Variants in PPP6R1 observed in about 807,000 individuals in gnomAD.
The protein encoded by PPP6R1 is serine/threonine-protein phosphatase 6 regulatory subunit 1.
Under a neutral mutation model 104.6 loss-of-function variants are expected in PPP6R1, and 39 were observed. The observed-to-expected ratio is 0.37, with a 90% CI of 0.29 to 0.49. The LOEUF is 0.49. Ranked by LOEUF, PPP6R1 falls within the 20% of genes least tolerant of loss-of-function variation. The pLI is 0.98. For missense variants in PPP6R1, 1,181 were observed against 1,155.8 expected, an observed-to-expected ratio of 1.02 and a Z score of -0.32; for synonymous variants, 549 against 479.0, an observed-to-expected ratio of 1.15 and a Z score of -1.91.
At chr19:55,228,645 A>G (rs1442783499), downstream of PPP6R1, 2 of 1,590,490 alleles carry the variant, frequency 1.3e-6, no homozygotes, top group South Asian at 2.2e-5. Flanking sequence ...CTGGGGTTCC[A>G]GGGCCCTGTC....
downstream of PPP6R1, chr19:55,228,893 G>C (rs1048781115): frequency 1.3e-6 from 1 of 774,338 alleles, no homozygotes. Flanking sequence ...CTCACCCTGG[G>C]GATGGCCCTG....
At position 55,258,265 on chromosome 19, in the gene PPP6R1, G is replaced by A. The variant is rs575619504; in HGVS notation, c.-7+170C>T. 8.5e-5 allele frequency among the ~76,000 whole-genome samples: 13 copies of A among 152,312 alleles called. No homozygotes were observed. The South Asian group carries it at 2.5e-3, about 29-fold the overall frequency. ...TTAAGAGACTGGGGAGGGTCGAGGGGGAAGAAACGGGGTGCCGTGGAGAGG... is the reference window on the plus strand; with the variant it reads ...TTAAGAGACTGGGGAGGGTCGAGGGAGAAGAAACGGGGTGCCGTGGAGAGG... On this transcript the variant is annotated intron_variant, in intron 1 of 23. Coordinates refer to ENST00000412770, the MANE Select transcript of PPP6R1 (RefSeq NM_014931.4).
At position 55,245,278 on chromosome 19, in the gene PPP6R1, T is replaced by G. The variant is rs1178339315; in HGVS notation, c.539A>C (p.Gln180Pro). The G allele has an allele frequency of 1.3e-6, 2 of 1,596,040 alleles. No homozygotes were observed. Among genetic ancestry groups the G allele is most frequent in the African/African-American group, 2.7e-5 (2 of 74,508 alleles). ...LTCVERPQLR[Q>P]DVVNWLNEEK... Reference sequence around the variant, plus strand: ...GGCCCTGCTCACATTGACAACATCCTGCCTCAGCTGAGGCCGCTCCACACA... The same window carrying G: ...GGCCCTGCTCACATTGACAACATCCGGCCTCAGCTGAGGCCGCTCCACACA... The change falls in exon 4 of 24, where the codon CAG (glutamine) becomes CCG (proline). Residue 180 changes from glutamine (Q) to proline (P), a missense_variant. Gln to Pro is a moderately conservative substitution (Grantham distance 76, BLOSUM62 -1). Transcript: ENST00000412770. This position sits in a 1 kb window ranked among gnomAD's most constrained non-coding sequence, Gnocchi z 6.4.
At chr19:55,232,255 C>T (rs1233733177) in intron 17 of PPP6R1, 44 bp from the exon 18 acceptor site, 9 of 1,500,334 alleles carry the variant, frequency 6.0e-6, no homozygotes, top group South Asian at 2.6e-5. Context: ...TGGGACAGAC[C>T]GGCCGACACC....
chr19:55,241,724 G>A lies in PPP6R1; in HGVS notation c.846-85C>T. 7 of 1,416,902 alleles carry A rather than the reference G, an allele frequency of 4.9e-6. No individual in the cohort carries two copies. Among genetic ancestry groups the A allele is most frequent in the Non-Finnish European group, 6.6e-6 (7 of 1,066,364 alleles). The allele number at this position is 1,416,902 out of a possible 1,614,324, so 87.8% of individuals were successfully genotyped here. On this transcript the variant is annotated intron_variant, in intron 7 of 23. Transcript: ENST00000412770. The surrounding 1 kb of genome is among the most constrained non-coding windows in gnomAD (Gnocchi z 5.4). ...AGTAGGCACAAGGACCACGTCTGCA[G>A]GGTCTGGAGGAAAACGAGGAGCCAC...
downstream of PPP6R1, chr19:55,228,440 T>C (rs781545737): frequency 1.4e-5 from 22 of 1,610,786 alleles, no homozygotes; most frequent in Middle Eastern, 1.6e-4. Flanking sequence ...TCTGGGCGCT[T>C]TGGGGAGTGG....
chr19:55,231,375 C>T (rs912898155), intron 21 of PPP6R1, 35 bp downstream of exon 21: 10 of 1,545,870 alleles, frequency 6.5e-6, no homozygotes, highest in Non-Finnish European at 8.8e-6. Context: ...GAAAAGACTT[C>T]TCCCGATACT....
Position 55,231,603 on chromosome 19 carries a change from G to A in PPP6R1, c.2372C>T (p.Pro791Leu), listed in dbSNP as rs1020001768. 6.2e-7 allele frequency: 1 copy of A among 1,611,124 alleles called. No individual in the cohort carries two copies. Among genetic ancestry groups the A allele is most frequent in the Non-Finnish European group, 8.5e-7 (1 of 1,178,768 alleles). ...EATEGSKVTE[P>L]SAPCQALVSI... ...CAGGGCAAAGCGGGGCTCACCTGAG[G>A]GCTCCGTGACTTTGCTGCCTTCTGT... The change falls in exon 20 of 24, where the codon CCC becomes CTC. Residue 791 changes from proline to leucine, a missense_variant. Coordinates refer to ENST00000412770, the MANE Select transcript of PPP6R1 (RefSeq NM_014931.4).
chr19:55,233,802 A>G (rs2087370827), intron 17 of PPP6R1, among the ~76,000 whole-genome samples: 1 of 152,248 alleles, frequency 6.6e-6, no homozygotes, highest in African/African-American at 2.4e-5. Flanking sequence ...AAAGACATCC[A>G]TGTTCACGTA....
At chr19:55,242,534 C>T in intron 5 of PPP6R1, 46 bp from the exon 6 acceptor site, 1 of 1,510,400 alleles carries the variant, frequency 6.6e-7, no homozygotes, top group Non-Finnish European at 9.2e-7. Flanking sequence ...GGCCACCGGG[C>T]CCTCTGCAGC....
At position 55,245,689 on chromosome 19, in the gene PPP6R1, A is replaced by G. The variant is rs1256730694; in HGVS notation, c.228-11T>C. The G allele has an allele frequency of 6.3e-7, 1 of 1,591,640 alleles. No homozygotes were observed. Among genetic ancestry groups the G allele is most frequent in the African/African-American group, 1.3e-5 (1 of 74,364 alleles). ...GCCACACTGGGGTACCTGGGAGGCAAGCACAGGCGGGTGGGGGCTCGGGTC... is the reference window on the plus strand; with the variant it reads ...GCCACACTGGGGTACCTGGGAGGCAGGCACAGGCGGGTGGGGGCTCGGGTC... On this transcript the variant is annotated splice_polypyrimidine_tract_variant and intron_variant, in intron 2 of 23. Coordinates refer to ENST00000412770, the MANE Select transcript of PPP6R1 (RefSeq NM_014931.4). The surrounding 1 kb of genome is among the most constrained non-coding windows in gnomAD (Gnocchi z 6.4).
At chr19:55,228,807 G>C (rs1345925825), downstream of PPP6R1, 3 of 1,539,972 alleles carry the variant, frequency 1.9e-6, no homozygotes, top group African/African-American at 4.1e-5. Context: ...GGAGGGGAGG[G>C]CTCATGGTTA....
chr19:55,247,109 C>G lies in PPP6R1; in HGVS notation c.-6G>C. 6.2e-7 allele frequency: 1 copy of G among 1,611,930 alleles called. No individual in the cohort carries two copies. The highest frequency in any genetic ancestry group is 8.5e-7 in the Non-Finnish European group (1 of 1,179,404). ...AGGTCAAACTTCCAAAACATGGCGCCCTGCAGGCATAGACACAACCAGCGC... is the reference window on the plus strand; with the variant it reads ...AGGTCAAACTTCCAAAACATGGCGCGCTGCAGGCATAGACACAACCAGCGC... On this transcript the variant is annotated splice_region_variant and 5_prime_UTR_variant, in exon 2 of 24. Transcript: ENST00000412770.
At position 55,241,395 on chromosome 19, in the gene PPP6R1, C is replaced by CA; in HGVS notation, c.1009-5dup. The CA allele has an allele frequency of 6.2e-7, 1 of 1,605,984 alleles. No homozygotes were observed. Among genetic ancestry groups the CA allele is most frequent in the Non-Finnish European group, 8.5e-7 (1 of 1,176,262 alleles). ...ATGTCATCTGTAGCGGCTCCAGCTG[C>CA]AGACACAGGGAGGCCTGATTCCCAA... is the stretch of plus-strand genomic sequence containing the variant. On this transcript the variant is annotated splice_region_variant and splice_polypyrimidine_tract_variant and intron_variant, in intron 8 of 23. Transcript: ENST00000412770. The surrounding 1 kb of genome is among the most constrained non-coding windows in gnomAD (Gnocchi z 5.4).
intron 11 of PPP6R1, 50 bp downstream of exon 11, chr19:55,240,186 C>G (rs1447693783): frequency 1.3e-6 from 2 of 1,564,282 alleles, no homozygotes; most frequent in African/African-American, 2.7e-5. Context: ...CCCGGCCCCC[C>G]ATCCAGGCAG....
chr19:55,240,346 C>T (rs1686014108), intron 10 of PPP6R1, 46 bp from the exon 11 acceptor site: 1 of 1,546,532 alleles, frequency 6.5e-7, no homozygotes, highest in Non-Finnish European at 8.8e-7. Context: ...GGTCTGCACA[C>T]ATGTGGGGAG....
Position 55,237,010 on chromosome 19 carries a change from G to T in PPP6R1, c.1752-40C>A, listed in dbSNP as rs750541327. 3.9e-6 allele frequency: 6 copies of T among 1,554,230 alleles called. No homozygotes were observed. The Admixed American group carries it at 1.0e-4, about 26-fold the overall frequency. ...AAGGCATGGTGAGAAGGTCCACCTG[G>T]GGGTGGGGGCAGCACAGGACAGGCC... On this transcript the variant is annotated intron_variant, in intron 15 of 23. Transcript: ENST00000412770.
rs764752268 is a variant in PPP6R1 at position 55,230,658 on chromosome 19, A to G, written c.2597T>C (p.Ile866Thr). ...QSAQALTPPPIPNGSAPEGPA... is the reference protein window; with the variant it reads ...QSAQALTPPPTPNGSAPEGPA... Reference sequence around the variant, plus strand: ...CCCTTCCGGGGCAGAGCCATTGGGTATCGGAGGAGGCGTGAGGGCCTGGGC... The same window carrying G: ...CCCTTCCGGGGCAGAGCCATTGGGTGTCGGAGGAGGCGTGAGGGCCTGGGC... The change falls in exon 23 of 24, where the codon ATA (isoleucine) becomes ACA (threonine). Residue 866 changes from isoleucine (I) to threonine (T), a missense_variant. Coordinates refer to ENST00000412770, the MANE Select transcript of PPP6R1 (RefSeq NM_014931.4). 1.9e-6 allele frequency: 3 copies of G among 1,607,664 alleles called. No individual in the cohort carries two copies. The African/African-American group carries it at 4.0e-5, about 21-fold the overall frequency.
chr19:55,232,285 C>T (rs1015693946), intron 17 of PPP6R1, 74 bp from the exon 18 acceptor site: 7 of 1,471,400 alleles, frequency 4.8e-6, no homozygotes, highest in Non-Finnish European at 6.3e-6. Flanking sequence ...CCCTGCAGCC[C>T]AGGGTCAGCC....
Sources: allele counts gnomAD v4.1 joint callset (sites outside exome capture counted in the v4.1 genomes callset), GRCh38; gene constraint gnomAD v4.1.1; non-coding constraint Gnocchi (gnomAD v3.1); transcripts MANE v1.5; gene names NCBI Gene and HGNC (gene_info 2026-07-23, HGNC 2026-07-21).